Variants in GEMIN5 observed in about 807,000 individuals in gnomAD.
GEMIN5 encodes the protein gem nuclear organelle associated protein 5.
GEMIN5 carries 124 observed loss-of-function variants against 176.9 expected under a neutral mutation model. That is an observed-to-expected ratio of 0.70 (90% CI 0.61 to 0.81). The LOEUF is 0.81. GEMIN5 is among the 40% of genes least tolerant of loss of function. The probability of loss-of-function intolerance (pLI) is 0.00; values close to 1 mark genes in which losing one functional copy is unlikely to be tolerated. For missense variants in GEMIN5, 1,843 were observed against 1,814.6 expected (o/e 1.02, Z -0.28); for synonymous variants, 673 against 665.2 (o/e 1.01, Z -0.18).
chr5:154,930,331 A>C (rs1045369229), intron 5 of GEMIN5, among the ~76,000 whole-genome samples: 1 of 152,208 alleles, frequency 6.6e-6, no homozygotes, highest in Non-Finnish European at 1.5e-5. Flanking sequence ...TGCGCTCACC[A>C]TTGCTCCATC....
chr5:154,931,607 A>G (rs1454656174), intron 4 of GEMIN5, 30 bp from the exon 5 acceptor site: 1 of 1,565,310 alleles, frequency 6.4e-7, no homozygotes, highest in South Asian at 1.2e-5. Flanking sequence ...TTTGTTTTTA[A>G]TTTACATTAA....
At chr5:154,923,371 ACT>A (rs1763966338) in intron 9 of GEMIN5, among the ~76,000 whole-genome samples, 1 of 151,490 alleles carries the variant, frequency 6.6e-6, no homozygotes, top group African/African-American at 2.4e-5. Context: ...GAAGAGCGAA[ACT>A]CTGTCTCCAA....
rs75661665 is a variant in GEMIN5 at position 154,894,421 on chromosome 5, G to A, written c.3597+1671C>T. On this transcript the variant is annotated intron_variant, in intron 24 of 27. Coordinates refer to ENST00000285873, the MANE Select transcript of GEMIN5 (RefSeq NM_015465.5). The stretch of plus-strand genomic sequence containing the variant: ...GCCATCTGATTTCATTGTTTTAGTG[G>A]AATATCTAGGTAGCAGAACTGCTGA... Among the ~76,000 whole-genome samples, 1,489 of 152,260 alleles carry A rather than the reference G, an allele frequency of 9.8e-3. 24 individuals are homozygous for A. The highest frequency in any genetic ancestry group is 0.033 in the African/African-American group (1,377 of 41,554).
chr5:154,909,616 T>C (rs1171904006), intron 15 of GEMIN5, among the ~76,000 whole-genome samples: 1 of 152,166 alleles, frequency 6.6e-6, no homozygotes, highest in Non-Finnish European at 1.5e-5. Context: ...TGTAGTAAGA[T>C]ATACCCCCTG....
intron 2 of GEMIN5, among the ~76,000 whole-genome samples, chr5:154,936,288 G>T (rs964681215): frequency 1.3e-5 from 2 of 152,160 alleles, no homozygotes; most frequent in Non-Finnish European, 2.9e-5. Flanking sequence ...GTGGTGGTGG[G>T]CTCCTGTAGT....
chr5:154,911,641 C>T (rs1272852037), intron 15 of GEMIN5, 86 bp downstream of exon 15: 25 of 1,201,424 alleles, frequency 2.1e-5, no homozygotes, highest in Admixed American at 3.9e-5. Flanking sequence ...ATGCCCTACA[C>T]GAATGTCTTC....
chr5:154,918,033 T>G, intron 11 of GEMIN5, 29 bp from the exon 12 acceptor site: 1 of 1,379,730 alleles, frequency 7.2e-7, no homozygotes, highest in African/African-American at 1.4e-5. Context: ...CAATCTTGAC[T>G]ATATACATAT....
rs374006511 is a variant in GEMIN5, at chr5:154,921,072, A to G, written c.1462+271T>C. Among the ~76,000 whole-genome samples, 13 of 152,314 alleles carry G rather than the reference A, an allele frequency of 8.5e-5. 1 individual carries two copies. In the South Asian group the frequency reaches 2.7e-3, roughly 32 times the overall value. On this transcript the variant is annotated intron_variant, in intron 10 of 27. Coordinates refer to ENST00000285873, the MANE Select transcript of GEMIN5 (RefSeq NM_015465.5). ...AGACTGGGTATCAGGACCCAGCATG[A>G]TAACTATACATACAATGAAAAATTT...
chr5:154,903,871 T>G (rs577387859), intron 18 of GEMIN5, among the ~76,000 whole-genome samples: 15 of 152,214 alleles, frequency 9.9e-5, no homozygotes, highest in Non-Finnish European at 1.5e-4. Context: ...CTCACTATGT[T>G]GCCCAGGCTG....
intron 24 of GEMIN5, among the ~76,000 whole-genome samples, chr5:154,893,467 G>T (rs1763282256): frequency 6.6e-6 from 1 of 151,826 alleles, no homozygotes; most frequent in Non-Finnish European, 1.5e-5. Flanking sequence ...ACAAAGCTTG[G>T]AGTACAACTA....
At position 154,888,138 on chromosome 5, in the gene GEMIN5, T is replaced by C; in HGVS notation, c.*72A>G. 5 of 1,362,034 alleles carry C rather than the reference T, an allele frequency of 3.7e-6. No homozygotes were observed. Among genetic ancestry groups the C allele is most frequent in the Non-Finnish European group, 5.2e-6 (5 of 954,632 alleles). 84.4% of individuals were successfully genotyped at this position (1,362,034 alleles called of 1,614,324 possible). A position where few individuals can be genotyped will look rare whatever the true frequency, so the allele number is the denominator to read the frequency against. On this transcript the variant is annotated 3_prime_UTR_variant, in exon 28 of 28. Coordinates refer to ENST00000285873, the MANE Select transcript of GEMIN5 (RefSeq NM_015465.5). ...TCTAGGGACCAGAGTGAATGTCTGG[T>C]GAGGCATAACTGCAGAGGTGAAAGA...
chr5:154,905,308 G>A (rs1763546855), intron 17 of GEMIN5, 55 bp downstream of exon 17: 3 of 798,510 alleles, frequency 3.8e-6, no homozygotes, highest in South Asian at 3.3e-5. Context: ...TGTAATATAT[G>A]TAATATTTTA....
chr5:154,894,938 G>T (rs1230073697), intron 24 of GEMIN5, among the ~76,000 whole-genome samples: 1 of 151,120 alleles, frequency 6.6e-6, no homozygotes, highest in South Asian at 2.1e-4. Flanking sequence ...TATTAGCTGG[G>T]CGTGGTGGCA....
intron 9 of GEMIN5, 55 bp downstream of exon 9, chr5:154,924,414 G>A (rs1468253409): frequency 1.9e-6 from 2 of 1,056,540 alleles, no homozygotes; most frequent in East Asian, 2.4e-5. Context: ...GAGCAGGGGT[G>A]GCCAACCTTT....
rs377549102 is a variant in GEMIN5, at chr5:154,896,254, G to A, written c.3435C>T (p.Tyr1145=). The A allele has an allele frequency of 1.9e-6, 3 of 1,613,652 alleles. No homozygotes were observed. Among genetic ancestry groups the A allele is most frequent in the Middle Eastern group, 1.6e-4 (1 of 6,074 alleles). Residue 1145 remains tyrosine, a synonymous_variant, in exon 24 of 28, where the codon TAC becomes TAT. Transcript: ENST00000285873. ...QLSEGKSSSS[Y]HTWNTGTEGP... is the part of the protein sequence containing the mutation. ...CTTCGGTGCCCGTGTTCCAAGTGTG[G>A]TAAGAGGAGGAGCTTTTGCCCTCTG...
chr5:154,903,679 T>G (rs1763511687), intron 18 of GEMIN5, among the ~76,000 whole-genome samples: 1 of 151,902 alleles, frequency 6.6e-6, no homozygotes, highest in Admixed American at 6.6e-5. Flanking sequence ...GTTCAAAAAT[T>G]CAAAAGAAAG....
rs114584785 is a variant in GEMIN5 at position 154,920,281 on chromosome 5, C to T, written c.1463-178G>A. Among the ~76,000 whole-genome samples the T allele has an allele frequency of 4.5e-3, 688 of 152,178 alleles. 9 individuals carry two copies. The highest frequency in any genetic ancestry group is 5.0e-3 in the South Asian group (24 of 4,830). ...TCCACCTGAACACAGTTGTTGGGAG[C>T]AGAAGTAAAAAAACTATACTACTAT... On this transcript the variant is annotated intron_variant, in intron 10 of 27. Coordinates refer to ENST00000285873, the MANE Select transcript of GEMIN5 (RefSeq NM_015465.5).
chr5:154,915,069 GATTA>G (rs1375456715), intron 13 of GEMIN5, among the ~76,000 whole-genome samples: 2 of 152,128 alleles, frequency 1.3e-5, no homozygotes, highest in Admixed American at 1.3e-4. Context: ...TAAAGTGGAT[GATTA>G]ATTTAGAATC....
In GEMIN5 at chr5:154,932,161, G is replaced by C. The variant is rs780724769; in HGVS notation, c.599C>G (p.Ser200Cys). Reference sequence around the variant, plus strand: ...ACCAGGCAGGGGACACCAGGCTATGGAGTGGATTTCATCATCATGGCCTCG... The same window carrying C: ...ACCAGGCAGGGGACACCAGGCTATGCAGTGGATTTCATCATCATGGCCTCG... ...RLRGHDDEIH[S>C]IAWCPLPGED... is the part of the protein sequence containing the mutation. The change falls in exon 4 of 28, where the codon TCC becomes TGC. Residue 200 changes from serine (S) to cysteine (C), a missense_variant. Ser to Cys is a moderately radical substitution (Grantham distance 112, BLOSUM62 -1). Coordinates refer to ENST00000285873, the MANE Select transcript of GEMIN5 (RefSeq NM_015465.5). The C allele has an allele frequency of 2.6e-5, 42 of 1,612,380 alleles. No individual in the cohort carries two copies. The highest frequency in any genetic ancestry group is 3.4e-5 in the Non-Finnish European group (40 of 1,178,374).
Sources: allele counts gnomAD v4.1 joint callset (sites outside exome capture counted in the v4.1 genomes callset), GRCh38; gene constraint gnomAD v4.1.1; transcripts MANE v1.5; gene names NCBI Gene and HGNC (gene_info 2026-07-23, HGNC 2026-07-21).